Variants in SCAF8 observed in about 807,000 individuals in gnomAD.
The protein encoded by SCAF8 is SR-related CTD associated factor 8, also known as SR-related and CTD-associated factor 8.
Under a neutral mutation model 140.5 loss-of-function variants are expected in SCAF8, and 23 were observed. The observed-to-expected ratio is 0.16, with a 90% CI of 0.12 to 0.23. The LOEUF is 0.23. SCAF8 is among the 10% of genes least tolerant of loss of function. The pLI, the probability that SCAF8 is intolerant of heterozygous loss-of-function variation, is 1.00. For synonymous variants in SCAF8, 575 were observed against 528.9 expected, an observed-to-expected ratio of 1.09 and a Z score of -1.20; for missense variants, 1,397 against 1,555.7, an observed-to-expected ratio of 0.90 and a Z score of 1.72.
chr6:154,812,692 A>G (rs983804197), intron 12 of SCAF8, among the ~76,000 whole-genome samples: 3 of 152,176 alleles, frequency 2.0e-5, no homozygotes, highest in Non-Finnish European at 2.9e-5. Flanking sequence ...TGAATAGTCT[A>G]GGGGATATAA....
chr6:154,796,876 GCA>G (rs1777623374), intron 6 of SCAF8, among the ~76,000 whole-genome samples: 1 of 152,094 alleles, frequency 6.6e-6, no homozygotes, highest in Admixed American at 6.5e-5. Flanking sequence ...GGAGGCTGAG[GCA>G]GGAGAATCGC....
chr6:154,757,293 C>T (rs1778990711), intron 1 of SCAF8, among the ~76,000 whole-genome samples: 1 of 152,100 alleles, frequency 6.6e-6, no homozygotes, highest in Non-Finnish European at 1.5e-5. Flanking sequence ...CCGTGCCCAG[C>T]CAATAAATAT....
At chr6:154,786,781 A>G (rs918597633) in intron 3 of SCAF8, among the ~76,000 whole-genome samples, 6 of 152,220 alleles carry the variant, frequency 3.9e-5, no homozygotes, top group Admixed American at 1.3e-4. Context: ...GGAAAATTTT[A>G]AAGTATTTCA....
intron 3 of SCAF8, among the ~76,000 whole-genome samples, chr6:154,778,754 A>G (rs1319697543): frequency 1.3e-5 from 2 of 148,308 alleles, no homozygotes; most frequent in African/African-American, 2.5e-5. Flanking sequence ...ACAGAGTGAG[A>G]CCCTGTCTCA....
chr6:154,762,145 C>T (rs1437908287), intron 1 of SCAF8, among the ~76,000 whole-genome samples: 1 of 152,190 alleles, frequency 6.6e-6, no homozygotes, highest in Non-Finnish European at 1.5e-5. Flanking sequence ...TTTTCTATTG[C>T]TGTGTAACAA....
chr6:154,759,760 G>C (rs966095324), intron 1 of SCAF8, among the ~76,000 whole-genome samples: 2 of 150,520 alleles, frequency 1.3e-5, no homozygotes, highest in Non-Finnish European at 2.9e-5. Context: ...CCGCCTCCCA[G>C]GTTCACGCCA....
intron 1 of SCAF8, among the ~76,000 whole-genome samples, chr6:154,771,107 T>G (rs1469775188): frequency 6.6e-6 from 1 of 152,210 alleles, no homozygotes; most frequent in Non-Finnish European, 1.5e-5. Context: ...TCTCTTACTG[T>G]CAGTCAGCAT....
intron 1 of SCAF8, among the ~76,000 whole-genome samples, chr6:154,743,597 A>G (rs777471457): frequency 2.2e-4 from 33 of 152,222 alleles, no homozygotes; most frequent in Non-Finnish European, 3.7e-4. Context: ...TAGCTTATCA[A>G]TGAAAGATGA....
chr6:154,764,054 G>A (rs1240480135), intron 1 of SCAF8, among the ~76,000 whole-genome samples: 1 of 152,152 alleles, frequency 6.6e-6, no homozygotes, highest in South Asian at 2.1e-4. Context: ...CTCAGTTTAG[G>A]TAAAAGATTC....
chr6:154,779,956 A>G (rs1777038542), intron 3 of SCAF8, among the ~76,000 whole-genome samples: 1 of 152,136 alleles, frequency 6.6e-6, no homozygotes, highest in African/African-American at 2.4e-5. Context: ...CAGGACATTG[A>G]TACAGTCACC....
At chr6:154,807,170 A>G (rs1777942878) in intron 9 of SCAF8, among the ~76,000 whole-genome samples, 1 of 152,182 alleles carries the variant, frequency 6.6e-6, no homozygotes, top group Non-Finnish European at 1.5e-5. Context: ...TGTAATTAGC[A>G]CCATGTTATT....
At position 154,777,474 on chromosome 6, in the gene SCAF8, T is replaced by A. The variant is rs567611063; in HGVS notation, c.115-527T>A. Among the ~76,000 whole-genome samples the A allele has an allele frequency of 2.6e-5, 4 of 152,344 alleles. 1 individual carries two copies. The highest frequency in any genetic ancestry group is 5.9e-5 in the Non-Finnish European group (4 of 68,022). On this transcript the variant is annotated intron_variant, in intron 2 of 19. Transcript: ENST00000367178. ...TCCATTAGGATATTATACATTTCTA[T>A]GTTTTATTTTGTATTCTTGCAGTTC...
At chr6:154,827,144 AT>A (rs763883351) in intron 17 of SCAF8, 27 bp from the exon 18 acceptor site, 6 of 1,577,048 alleles carry the variant, frequency 3.8e-6, no homozygotes, top group East Asian at 4.6e-5. Flanking sequence ...TTCTTGTGCT[AT>A]TTTTTGGGGT....
chr6:154,815,019 C>T (rs958505132), intron 12 of SCAF8, among the ~76,000 whole-genome samples: 10 of 152,140 alleles, frequency 6.6e-5, no homozygotes, highest in Admixed American at 2.0e-4. Flanking sequence ...GTTCACAGGC[C>T]GGGTGCGGTG....
chr6:154,820,299 A>G lies in SCAF8; in HGVS notation c.1758A>G (p.Glu586=). ...VKVDDLEGFA[E]GGMIDQETVN... ...TGGATGACTTGGAAGGTTTTGCAGAAGGAGGCATGATTGATCAGGAGACTG... is the reference window on the plus strand; with the variant it reads ...TGGATGACTTGGAAGGTTTTGCAGAGGGAGGCATGATTGATCAGGAGACTG... The change falls in exon 15 of 20, where the codon GAA becomes GAG. Residue 586 remains glutamate (E), a synonymous_variant. Transcript: ENST00000367178. 1.2e-6 allele frequency: 2 copies of G among 1,611,698 alleles called. No individual in the cohort carries two copies. Among genetic ancestry groups the G allele is most frequent in the Non-Finnish European group, 1.7e-6 (2 of 1,179,290 alleles).
rs957415821 is a variant in SCAF8 at position 154,824,505 on chromosome 6, A to G, written c.2071+127A>G. ...AGCATGCATAGCCTTGTTAAAGCGC[A>G]GATTGCTGGGCCCAGCCTCCACTGT... is the stretch of plus-strand genomic sequence containing the variant. On this transcript the variant is annotated intron_variant, in intron 17 of 19. Transcript: ENST00000367178. 7 of 810,894 alleles carry G rather than the reference A, an allele frequency of 8.6e-6. No homozygotes were observed. In the African/African-American group the frequency reaches 1.0e-4, roughly 12 times the overall value. 50.2% of individuals were successfully genotyped at this position (810,894 alleles called of 1,614,324 possible).
Position 154,832,363 on chromosome 6 carries a change from G to A in SCAF8, c.2784G>A (p.Pro928=), listed in dbSNP as rs755760383. The change falls in exon 20 of 20, where the codon CCG becomes CCA. Residue 928 remains proline, a synonymous_variant. Coordinates refer to ENST00000367178, the MANE Select transcript of SCAF8 (RefSeq NM_014892.5). ...CAATGCCAATGTTAGACATTCGTCC[G>A]GGACTAATACCACAGGCACCTGGGC... The part of the protein sequence containing the change: ...MPTMPMLDIR[P]GLIPQAPGPR... 13 of 1,613,812 alleles carry A rather than the reference G, an allele frequency of 8.1e-6. No individual in the cohort carries two copies. Among genetic ancestry groups the A allele is most frequent in the South Asian group, 3.3e-5 (3 of 91,078 alleles).
chr6:154,750,885 G>A (rs1227233690), intron 1 of SCAF8, among the ~76,000 whole-genome samples: 1 of 151,762 alleles, frequency 6.6e-6, no homozygotes, highest in African/African-American at 2.4e-5. Context: ...TCTTTTTCTT[G>A]TTCTCATTTT....
At chr6:154,794,464 A>G (rs1343470236) in intron 5 of SCAF8, among the ~76,000 whole-genome samples, 2 of 152,146 alleles carry the variant, frequency 1.3e-5, no homozygotes, top group East Asian at 3.8e-4. Flanking sequence ...TAGTACAATA[A>G]GATATTTTGA....
Sources: gnomAD v4.1 joint callset for allele counts (sites outside exome capture counted in the v4.1 genomes callset) on GRCh38, gnomAD v4.1.1 for gene constraint, MANE v1.5 for transcripts, NCBI Gene and HGNC (gene_info 2026-07-23, HGNC 2026-07-21) for gene names.